The following SDCCAG8 variants were observed in gnomAD, a reference collection of about 807,000 sequenced individuals.
The protein encoded by SDCCAG8 is SHH signaling and ciliogenesis regulator SDCCAG8, also known as serologically defined colon cancer antigen 8.
In SDCCAG8, 74 loss-of-function variants were observed where a neutral mutation model predicts 101.8. That is an observed-to-expected ratio of 0.73 (90% CI 0.60 to 0.88). The LOEUF is 0.88. SDCCAG8 is among the 40% of genes least tolerant of loss of function. The pLI is 0.00. For synonymous variants in SDCCAG8, 281 were observed against 292.9 expected (o/e 0.96, Z 0.41); for missense variants, 787 against 822.6 (o/e 0.96, Z 0.53).
intron 14 of SDCCAG8, among the ~76,000 whole-genome samples, chr1:243,417,226 A>T (rs2080652930): frequency 6.6e-6 from 1 of 152,192 alleles, no homozygotes; most frequent in African/African-American, 2.4e-5. Context: ...CAATTGTAGG[A>T]TAAATTATTG....
chr1:243,489,173 C>T (rs1193942673), intron 17 of SDCCAG8, 33 bp downstream of exon 17: 1 of 1,607,470 alleles, frequency 6.2e-7, no homozygotes, highest in East Asian at 2.2e-5. Flanking sequence ...GGTGGGAGTC[C>T]TTGGGCGGGC....
intron 16 of SDCCAG8, among the ~76,000 whole-genome samples, chr1:243,482,437 G>A (rs907204190): frequency 2.0e-5 from 3 of 152,152 alleles, no homozygotes; most frequent in Non-Finnish European, 4.4e-5. Context: ...CCCCTGACAC[G>A]CCTGAAATTC....
At position 243,489,197 on chromosome 1, in the gene SDCCAG8, TC is replaced by T. The variant is rs946690183; in HGVS notation, c.2112+58del. On this transcript the variant is annotated intron_variant, in intron 17 of 17. Coordinates refer to ENST00000366541, the MANE Select transcript of SDCCAG8 (RefSeq NM_006642.5). ...CCTTGGGCGGGCGTCTACAGGTGGA[TC>T]TTTTATGCACCTCAACAGGCCGGCT... 4 of 1,595,416 alleles carry T rather than the reference TC, an allele frequency of 2.5e-6. No individual in the cohort carries two copies. In the African/African-American group the frequency reaches 5.4e-5, roughly 21 times the overall value.
At chr1:243,454,276 T>C (rs541954038) in intron 16 of SDCCAG8, among the ~76,000 whole-genome samples, 5 of 152,286 alleles carry the variant, frequency 3.3e-5, no homozygotes, top group Admixed American at 3.3e-4. Context: ...GATGAATTAT[T>C]AGTATTGTCT....
intron 9 of SDCCAG8, among the ~76,000 whole-genome samples, chr1:243,320,164 C>T (rs1013542387): frequency 2.6e-5 from 4 of 152,202 alleles, no homozygotes; most frequent in Non-Finnish European, 1.5e-5. Flanking sequence ...GTCCTTCACC[C>T]CTAACTTTTA....
rs889482913 is a variant in SDCCAG8, at chr1:243,416,144, T to G, written c.1744+315T>G. Among the ~76,000 whole-genome samples the G allele has an allele frequency of 2.6e-5, 4 of 152,162 alleles. No individual in the cohort carries two copies. In the East Asian group the frequency reaches 7.7e-4, roughly 29 times the overall value. Reference sequence around the variant, plus strand: ...CAAAGTAGAAAAACAAAGGGCTTGTTTTTGGCTGGGTTTTCAGGCACACAT... The same window carrying G: ...CAAAGTAGAAAAACAAAGGGCTTGTGTTTGGCTGGGTTTTCAGGCACACAT... On this transcript the variant is annotated intron_variant, in intron 14 of 17. Coordinates refer to ENST00000366541, the MANE Select transcript of SDCCAG8 (RefSeq NM_006642.5). The surrounding 1 kb of genome is among the most constrained non-coding windows in gnomAD (Gnocchi z 4.3).
chr1:243,279,417 C>T (rs1382872947), intron 4 of SDCCAG8, among the ~76,000 whole-genome samples: 1 of 152,200 alleles, frequency 6.6e-6, no homozygotes, highest in Non-Finnish European at 1.5e-5. Flanking sequence ...TAACTGGGAG[C>T]TACAGCTCAC....
intron 12 of SDCCAG8, among the ~76,000 whole-genome samples, chr1:243,350,885 T>G (rs2076045741): frequency 6.6e-6 from 1 of 152,236 alleles, no homozygotes; most frequent in Admixed American, 6.5e-5. Context: ...GTCTTCTATT[T>G]GATTCTGGAA....
intron 6 of SDCCAG8, among the ~76,000 whole-genome samples, chr1:243,301,220 C>T (rs2071472849): frequency 6.6e-6 from 1 of 152,014 alleles, no homozygotes; most frequent in African/African-American, 2.4e-5. Context: ...ATTTCATAAC[C>T]ACCTCCTATT....
At chr1:243,313,403 T>C (rs1054188716) in intron 8 of SDCCAG8, among the ~76,000 whole-genome samples, 2 of 152,220 alleles carry the variant, frequency 1.3e-5, no homozygotes, top group African/African-American at 4.8e-5. Context: ...TGGCTGAGAT[T>C]GTTAAGGGAC....
intron 13 of SDCCAG8, among the ~76,000 whole-genome samples, chr1:243,400,044 C>T (rs996772054): frequency 2.0e-5 from 3 of 152,162 alleles, no homozygotes; most frequent in East Asian, 1.9e-4. Flanking sequence ...GCTAGGCTCC[C>T]GACTACGATT....
chr1:243,478,387 C>T (rs1662828535), intron 16 of SDCCAG8, among the ~76,000 whole-genome samples: 1 of 152,148 alleles, frequency 6.6e-6, no homozygotes, highest in Non-Finnish European at 1.5e-5. Context: ...TCTAAGGTGC[C>T]TCTCAGCCCT....
intron 4 of SDCCAG8, among the ~76,000 whole-genome samples, chr1:243,278,078 G>T (rs1049611181): frequency 6.6e-6 from 1 of 152,130 alleles, no homozygotes; most frequent in African/African-American, 2.4e-5. Context: ...ATCAAGTTGG[G>T]AATAACTGGC....
At chr1:243,265,560 C>T (rs2067514936) in intron 1 of SDCCAG8, among the ~76,000 whole-genome samples, 1 of 152,236 alleles carries the variant, frequency 6.6e-6, no homozygotes, top group African/African-American at 2.4e-5. Context: ...CTCCTGTAAT[C>T]CCAGCACTTT....
At chr1:243,352,813 A>G (rs2076153630) in intron 12 of SDCCAG8, among the ~76,000 whole-genome samples, 1 of 152,168 alleles carries the variant, frequency 6.6e-6, no homozygotes, top group Admixed American at 6.5e-5. Flanking sequence ...GCAAATATAA[A>G]TAGATTCTAG....
chr1:243,283,820 A>C, intron 4 of SDCCAG8, among the ~76,000 whole-genome samples: 1 of 152,112 alleles, frequency 6.6e-6, no homozygotes, highest in East Asian at 1.9e-4. Context: ...GGCTCACTGC[A>C]ACCTCTGCCT....
intron 9 of SDCCAG8, among the ~76,000 whole-genome samples, chr1:243,321,209 A>C (rs1008090553): frequency 6.6e-6 from 1 of 152,098 alleles, no homozygotes; most frequent in Non-Finnish European, 1.5e-5. Context: ...CTTATATAGC[A>C]TTTATCAAAA....
chr1:243,315,869 A>G (rs2073189097), intron 8 of SDCCAG8, among the ~76,000 whole-genome samples: 1 of 152,260 alleles, frequency 6.6e-6, no homozygotes, highest in African/African-American at 2.4e-5. Flanking sequence ...CACCATATGT[A>G]ACAGTCCAGC....
At chr1:243,330,007 A>G (rs1354306795) in intron 9 of SDCCAG8, among the ~76,000 whole-genome samples, 1 of 152,204 alleles carries the variant, frequency 6.6e-6, no homozygotes, top group African/African-American at 2.4e-5. Context: ...GGAGTGAACT[A>G]AATTTTCTCT....
Sources: gnomAD v4.1 joint callset for allele counts (sites outside exome capture counted in the v4.1 genomes callset) on GRCh38, gnomAD v4.1.1 for gene constraint, Gnocchi (gnomAD v3.1) non-coding constraint, MANE v1.5 for transcripts, NCBI Gene and HGNC (gene_info 2026-07-23, HGNC 2026-07-21) for gene names.